DIPK1A: variants seen among roughly 807,000 people sequenced by gnomAD.
The protein encoded by DIPK1A is family with sequence similarity 69 member A.
In DIPK1A, 27 loss-of-function variants were observed where a neutral mutation model predicts 40.8. That is an observed-to-expected ratio of 0.66 (90% CI 0.49 to 0.91). The LOEUF (loss-of-function observed/expected upper bound fraction) is 0.91, where lower values mean the gene tolerates loss of function less well. Among genes scored for constraint, DIPK1A ranks in the 40% least tolerant of loss-of-function variants. The pLI, the probability that DIPK1A is intolerant of heterozygous loss-of-function variation, is 0.00. For synonymous variants in DIPK1A, 166 were observed against 171.3 expected, an observed-to-expected ratio of 0.97 and a Z score of 0.24; for missense variants, 412 against 505.7, an observed-to-expected ratio of 0.81 and a Z score of 1.78.
intron 1 of DIPK1A, among the ~76,000 whole-genome samples, chr1:92,953,314 T>C (rs1380291284): frequency 2.7e-5 from 4 of 150,096 alleles, no homozygotes; most frequent in Admixed American, 2.7e-4. Context: ...TTGGTGGGAA[T>C]GTAAAAGGGT....
intron 1 of DIPK1A, 37 bp downstream of exon 1, chr1:92,961,339 G>A (rs1204601467): frequency 6.8e-7 from 1 of 1,464,218 alleles, no homozygotes; most frequent in Admixed American, 2.1e-5. Flanking sequence ...ACGGCCGGGT[G>A]CTCCCGCAGC....
At chr1:92,929,150 T>A (rs76775622) in intron 1 of DIPK1A, among the ~76,000 whole-genome samples, 3,249 of 152,350 alleles carry the variant, frequency 0.021, 52 homozygotes, top group South Asian at 0.053. Context: ...TACTTTCTCT[T>A]GAACGTGGTA....
chr1:92,906,368 G>A (rs1649623154), intron 1 of DIPK1A, among the ~76,000 whole-genome samples: 2 of 152,238 alleles, frequency 1.3e-5, no homozygotes, highest in African/African-American at 4.8e-5. Context: ...GGCTAGAAGA[G>A]GCCTTGAAGA....
intron 2 of DIPK1A, among the ~76,000 whole-genome samples, chr1:92,867,277 A>C (rs949029206): frequency 3.1e-5 from 4 of 128,116 alleles, no homozygotes; most frequent in Non-Finnish European, 6.3e-5. Flanking sequence ...GATGGTCTTG[A>C]TCTCTTGACC....
chr1:92,843,753 T>C lies in DIPK1A; in HGVS notation c.917A>G (p.Tyr306Cys). Residue 306 changes from tyrosine (Y) to cysteine (C), a missense_variant, in exon 5 of 5, where the codon TAT becomes TGT. By Grantham distance (194) the Tyr-to-Cys change is radical (BLOSUM62 -2). Coordinates refer to ENST00000370310, the MANE Select transcript of DIPK1A (RefSeq NM_001006605.5). The stretch of plus-strand genomic sequence containing the variant: ...TCTCATATCCACCATTTTCAAATCA[T>C]ACTTATCATTATATCCTAGGTTTTT... The part of the protein sequence containing the change: ...SAKNLGYNDK[Y>C]DLKMVDMRKI... 6.4e-7 allele frequency: 1 copy of C among 1,551,820 alleles called. No homozygotes were observed. Among genetic ancestry groups the C allele is most frequent in the Non-Finnish European group, 8.7e-7 (1 of 1,147,010 alleles).
exon 5 of DIPK1A, chr1:92,833,010 T>C (rs1686969868): frequency 1.3e-6 from 1 of 740,744 alleles, no homozygotes; most frequent in Non-Finnish European, 2.5e-6. Context: ...TTCGCAAAAG[T>C]TTGGCACAAT....
In DIPK1A at chr1:92,860,646, A is replaced by AAAAAAAAAAATAGCCAGGTG. The variant is rs148916481; in HGVS notation, c.190-9692_190-9691insCACCTGGCTATTTTTTTTTT. ...TTCTACTAAAAAAAAAAAAAAAAAAATGGTGGTGTGCACCTTAGTCCCAGC... is the reference window on the plus strand; with the variant it reads ...TTCTACTAAAAAAAAAAAAAAAAAAAAAAAAAAAAATAGCCAGGTGTGGTGGTGTGCACCTTAGTCCCAGC... On this transcript the variant is annotated intron_variant, in intron 2 of 4. Coordinates refer to ENST00000370310, the MANE Select transcript of DIPK1A (RefSeq NM_001006605.5). 9.8e-3 allele frequency among the ~76,000 whole-genome samples: 1,026 copies of AAAAAAAAAAATAGCCAGGTG among 105,150 alleles called. 162 individuals carry two copies. The highest frequency in any genetic ancestry group is 0.03 in the East Asian group (102 of 3,436). The allele number at this position is 105,150 out of a possible 152,430, so 69.0% of individuals were successfully genotyped here.
chr1:92,855,581 G>A (rs955565927), intron 2 of DIPK1A, among the ~76,000 whole-genome samples: 1 of 151,482 alleles, frequency 6.6e-6, no homozygotes, highest in African/African-American at 2.4e-5. Context: ...GTGTGTGCCT[G>A]TAGTCCCAGC....
At chr1:92,960,956 C>A (rs1057321267) in intron 1 of DIPK1A, among the ~76,000 whole-genome samples, 2 of 152,260 alleles carry the variant, frequency 1.3e-5, no homozygotes, top group African/African-American at 2.4e-5. Flanking sequence ...CAAGGGCAAC[C>A]GACCTGCGGG....
chr1:92,935,257 C>A (rs1314451444), intron 1 of DIPK1A, among the ~76,000 whole-genome samples: 1 of 151,838 alleles, frequency 6.6e-6, no homozygotes. Flanking sequence ...ATCTTAAACT[C>A]TTTTAATCTA....
downstream of DIPK1A, chr1:92,841,891 C>CAGAT: frequency 6.5e-7 from 1 of 1,541,710 alleles, no homozygotes; most frequent in South Asian, 1.1e-5. Context: ...ATGATTTTTT[C>CAGAT]AGATATAGAT....
rs117805813 is a variant in DIPK1A, at chr1:92,842,431, A to G, written c.*952T>C. The G allele has an allele frequency of 2.2e-4, 214 of 980,272 alleles. 3 individuals are homozygous for G. The East Asian group carries it at 0.02, about 92-fold the overall frequency. The allele number at this position is 980,272 out of a possible 1,614,324, so 60.7% of individuals were successfully genotyped here. ...ATCTGAGTATACGTGTGAAAATAAT[A>G]TGAAAGAGGAGCAAATACTAAACCT... On this transcript the variant is annotated 3_prime_UTR_variant, in exon 5 of 5. Coordinates refer to ENST00000370310, the MANE Select transcript of DIPK1A (RefSeq NM_001006605.5).
At chr1:92,836,286 G>T in intron 4 of DIPK1A, 1 of 1,614,166 alleles carries the variant, frequency 6.2e-7, no homozygotes. Context: ...TCAGCCAGGT[G>T]CCTTCACCTG....
intron 1 of DIPK1A, among the ~76,000 whole-genome samples, chr1:92,885,948 G>A (rs1416320339): frequency 6.6e-6 from 1 of 151,880 alleles, no homozygotes; most frequent in African/African-American, 2.4e-5. Flanking sequence ...AATAAAGTTG[G>A]GGTCATATGA....
intron 1 of DIPK1A, among the ~76,000 whole-genome samples, chr1:92,924,451 C>T (rs1363920890): frequency 2.6e-5 from 4 of 151,858 alleles, no homozygotes; most frequent in South Asian, 4.2e-4. Context: ...ATAACCCGCA[C>T]GGATCAAGGG....
downstream of DIPK1A, chr1:92,837,607 A>G: frequency 1.2e-6 from 2 of 1,612,192 alleles, no homozygotes; most frequent in South Asian, 1.1e-5. Context: ...CTCTCAATAC[A>G]TAAAGAACAG....
At chr1:92,896,409 A>T (rs1649168693) in intron 1 of DIPK1A, among the ~76,000 whole-genome samples, 1 of 152,198 alleles carries the variant, frequency 6.6e-6, no homozygotes, top group Admixed American at 6.5e-5. Context: ...TGGGGAAAGG[A>T]TTCCCTATTT....
At position 92,843,771 on chromosome 1, in the gene DIPK1A, A is replaced by G. The variant is rs1460993888; in HGVS notation, c.899T>C (p.Leu300Pro). 1 of 1,551,830 alleles carries G rather than the reference A, an allele frequency of 6.4e-7. No homozygotes were observed. The highest frequency in any genetic ancestry group is 8.7e-7 in the Non-Finnish European group (1 of 1,147,036). ...FLMCDTSAKN[L>P]GYNDKYDLKM... Reference sequence around the variant, plus strand: ...CAAATCATACTTATCATTATATCCTAGGTTTTTGGCACTAGTATCGCACAT... The same window carrying G: ...CAAATCATACTTATCATTATATCCTGGGTTTTTGGCACTAGTATCGCACAT... Residue 300 changes from leucine (L) to proline (P), a missense_variant, in exon 5 of 5, where the codon CTA becomes CCA. By Grantham distance (98) the Leu-to-Pro change is moderately conservative. Coordinates refer to ENST00000370310, the MANE Select transcript of DIPK1A (RefSeq NM_001006605.5).
At chr1:92,952,080 C>A (rs12139818) in intron 1 of DIPK1A, among the ~76,000 whole-genome samples, 90,731 of 146,954 alleles carry the variant, frequency 0.62, 28,411 homozygotes, top group East Asian at 0.95. Context: ...AAAAAAAAAA[C>A]ACACACAAAT....
Sources: allele counts gnomAD v4.1 joint callset (sites outside exome capture counted in the v4.1 genomes callset), GRCh38; gene constraint gnomAD v4.1.1; transcripts MANE v1.5; gene names NCBI Gene and HGNC (gene_info 2026-07-23, HGNC 2026-07-21).